The following USO1 variants were observed in gnomAD, a reference collection of about 807,000 sequenced individuals.
USO1 encodes general vesicular transport factor p115.
A neutral mutation model predicts 124.5 loss-of-function variants in USO1; 57 were observed. The observed-to-expected ratio is 0.46, with a 90% CI of 0.37 to 0.57. The LOEUF (loss-of-function observed/expected upper bound fraction) is 0.57, where lower values mean the gene tolerates loss of function less well. USO1 is among the 20% of genes least tolerant of loss of function. The pLI, the probability that USO1 is intolerant of heterozygous loss-of-function variation, is 0.00. For synonymous variants in USO1, 369 were observed against 362.8 expected (o/e 1.02, Z -0.19); for missense variants, 900 against 1,040.6 (o/e 0.86, Z 1.86).
chr4:75,726,918 T>C (rs1433599108), intron 1 of USO1, among the ~76,000 whole-genome samples: 1 of 152,202 alleles, frequency 6.6e-6, no homozygotes, highest in African/African-American at 2.4e-5. Flanking sequence ...CCTGATTGGA[T>C]TGGATATGTA....
At position 75,790,792 on chromosome 4, in the gene USO1, T is replaced by C; in HGVS notation, c.1235T>C (p.Ile412Thr). The C allele has an allele frequency of 1.9e-6, 3 of 1,588,314 alleles. No homozygotes were observed. Among genetic ancestry groups the C allele is most frequent in the Non-Finnish European group, 2.6e-6 (3 of 1,170,238 alleles). Residue 412 changes from isoleucine to threonine, a missense_variant, in exon 12 of 24, where the codon ATT becomes ACT. By Grantham distance (89) the Ile-to-Thr change is moderately conservative. This residue lies in a region of USO1 where 538 missense variants were observed against 681.6 expected (regional missense o/e 0.79). Coordinates refer to ENST00000514213, the MANE Select transcript of USO1 (RefSeq NM_003715.4). ...EIVSTLLPST[I>T]DATGNSVSAG... The stretch of plus-strand genomic sequence containing the variant: ...GTGTCAACACTTTTACCTTCTACCA[T>C]TGATGGTAAATAATTTAGTTCTAAT...
intron 4 of USO1, 94 bp downstream of exon 4, chr4:75,757,667 A>C (rs1560442580): frequency 8.5e-7 from 1 of 1,177,098 alleles, no homozygotes; most frequent in African/African-American, 1.6e-5. Flanking sequence ...TTGTTTTATA[A>C]ATGTATAAGT....
intron 3 of USO1, among the ~76,000 whole-genome samples, chr4:75,753,986 A>C (rs2149155894): frequency 6.7e-6 from 1 of 150,252 alleles, no homozygotes; most frequent in South Asian, 2.1e-4. Context: ...ACGGGGTTTT[A>C]CCATGTTAGC....
chr4:75,762,859 C>T (rs747331773), intron 4 of USO1, among the ~76,000 whole-genome samples: 11 of 152,144 alleles, frequency 7.2e-5, no homozygotes, highest in Admixed American at 5.9e-4. Flanking sequence ...ACCTGGGAGG[C>T]GGAGCTTGCA....
At chr4:75,796,412 C>T (rs968038858) in intron 13 of USO1, among the ~76,000 whole-genome samples, 29 of 145,118 alleles carry the variant, frequency 2.0e-4, no homozygotes, top group Admixed American at 8.9e-4. Flanking sequence ...CTTGGCTCAC[C>T]GCAACCTCTG....
At chr4:75,788,955 A>T (rs1722449818) in intron 10 of USO1, among the ~76,000 whole-genome samples, 1 of 152,186 alleles carries the variant, frequency 6.6e-6, no homozygotes, top group Non-Finnish European at 1.5e-5. Context: ...TTGGCTAGAT[A>T]TGGAATTCAG....
At chr4:75,784,875 AT>A (rs1159218622) in intron 9 of USO1, among the ~76,000 whole-genome samples, 3 of 152,202 alleles carry the variant, frequency 2.0e-5, no homozygotes, top group East Asian at 1.9e-4. Flanking sequence ...TAACAAGTTG[AT>A]TCTTTAAGAA....
intron 4 of USO1, among the ~76,000 whole-genome samples, chr4:75,765,897 C>A (rs1721757355): frequency 6.6e-6 from 1 of 152,150 alleles, no homozygotes; most frequent in South Asian, 2.1e-4. Flanking sequence ...GCCACCTTCA[C>A]TTAATACCCT....
chr4:75,812,106 C>G, intron 22 of USO1, 54 bp from the exon 23 acceptor site: 2 of 1,547,674 alleles, frequency 1.3e-6, no homozygotes, highest in Non-Finnish European at 1.7e-6. Flanking sequence ...GTTAAAAACT[C>G]TAGGAAAGTG....
At chr4:75,799,893 A>G (rs1034524525) in intron 14 of USO1, among the ~76,000 whole-genome samples, 161 bp downstream of exon 14, 5 of 151,552 alleles carry the variant, frequency 3.3e-5, no homozygotes, top group East Asian at 1.9e-4. Flanking sequence ...TGCTTGTTTA[A>G]GTTGTGTGTG....
At chr4:75,731,517 G>A (rs905509676) in intron 1 of USO1, among the ~76,000 whole-genome samples, 3 of 150,806 alleles carry the variant, frequency 2.0e-5, no homozygotes, top group Non-Finnish European at 2.9e-5. Context: ...AGCCAAGATC[G>A]CACCACTGCA....
At position 75,724,650 on chromosome 4, in the gene USO1, C is replaced by A. The variant is rs1052575427; in HGVS notation, c.-170C>A. ...GCATGCGCATCTTGGCCGCTGCTGG[C>A]GGCTGTTTCCGGGCTTAGAGGGCTG... On this transcript the variant is annotated 5_prime_UTR_variant, in exon 1 of 24. Coordinates refer to ENST00000514213, the MANE Select transcript of USO1 (RefSeq NM_003715.4). The A allele has an allele frequency of 1.6e-6, 1 of 620,438 alleles. No homozygotes were observed. Among genetic ancestry groups the A allele is most frequent in the Non-Finnish European group, 2.8e-6 (1 of 357,346 alleles). 38.4% of individuals were successfully genotyped at this position (620,438 alleles called of 1,614,324 possible).
intron 8 of USO1, among the ~76,000 whole-genome samples, chr4:75,778,261 A>G (rs1722126190): frequency 6.6e-6 from 1 of 152,186 alleles, no homozygotes. Context: ...GGATTAATAC[A>G]TTTTGTACGT....
intron 1 of USO1, among the ~76,000 whole-genome samples, chr4:75,728,393 C>T (rs553989970): frequency 1.3e-5 from 2 of 152,320 alleles, no homozygotes; most frequent in South Asian, 4.1e-4. Flanking sequence ...GAGGCCAAGG[C>T]AGATGGAGCA....
chr4:75,766,470 GAAGT>G (rs1325733762), intron 4 of USO1, among the ~76,000 whole-genome samples: 1 of 152,188 alleles, frequency 6.6e-6, no homozygotes, highest in East Asian at 1.9e-4. Flanking sequence ...ACAGTAAGAG[GAAGT>G]AAGAGAGTGC....
intron 7 of USO1, among the ~76,000 whole-genome samples, chr4:75,771,741 A>G (rs980117375): frequency 3.3e-5 from 5 of 152,224 alleles, no homozygotes; most frequent in African/African-American, 9.6e-5. Flanking sequence ...CTTATTTTCC[A>G]TTCCGATTTA....
intron 1 of USO1, among the ~76,000 whole-genome samples, chr4:75,740,717 A>G (rs948375758): frequency 2.0e-5 from 3 of 152,246 alleles, no homozygotes; most frequent in African/African-American, 7.2e-5. Flanking sequence ...ATTTTAGAGT[A>G]GGTAATAAAA....
intron 12 of USO1, among the ~76,000 whole-genome samples, chr4:75,791,515 C>T (rs1035693194): frequency 6.6e-6 from 1 of 152,128 alleles, no homozygotes; most frequent in Non-Finnish European, 1.5e-5. Context: ...CAGAGAGAGA[C>T]TGTGCCTCAA....
chr4:75,736,452 G>C (rs1720794924), intron 1 of USO1, among the ~76,000 whole-genome samples: 1 of 151,540 alleles, frequency 6.6e-6, no homozygotes, highest in South Asian at 2.1e-4. Context: ...GAGTAGCTGG[G>C]ATTACAGGCC....
Sources: gnomAD v4.1 joint callset for allele counts (sites outside exome capture counted in the v4.1 genomes callset) on GRCh38, gnomAD v4.1.1 for gene constraint, gnomAD v4.1.1 regional missense constraint, MANE v1.5 for transcripts, NCBI Gene and HGNC (gene_info 2026-07-23, HGNC 2026-07-21) for gene names.